Variants in PPP2R5A observed in about 807,000 individuals in gnomAD.
The protein encoded by PPP2R5A is protein phosphatase 2 regulatory subunit B'alpha.
A neutral mutation model predicts 64.2 loss-of-function variants in PPP2R5A; 25 were observed. The ratio of observed to expected loss-of-function variants is 0.39; its 90% CI spans 0.28 to 0.54. The LOEUF is 0.54. Ranked by LOEUF, PPP2R5A falls within the 20% of genes least tolerant of loss-of-function variation. The pLI, the probability that PPP2R5A is intolerant of heterozygous loss-of-function variation, is 0.67. For synonymous variants in PPP2R5A, 198 were observed against 201.2 expected, an observed-to-expected ratio of 0.98 and a Z score of 0.13; for missense variants, 425 against 576.3, an observed-to-expected ratio of 0.74 and a Z score of 2.69.
At chr1:212,318,268 A>G (rs1297921920) in intron 1 of PPP2R5A, among the ~76,000 whole-genome samples, 1 of 151,024 alleles carries the variant, frequency 6.6e-6, no homozygotes, top group Non-Finnish European at 1.5e-5. Flanking sequence ...TTAATTATGT[A>G]TTTAGCAAAG....
intron 8 of PPP2R5A, among the ~76,000 whole-genome samples, chr1:212,354,996 G>A (rs1659954206): frequency 6.6e-6 from 1 of 152,134 alleles, no homozygotes; most frequent in Non-Finnish European, 1.5e-5. Flanking sequence ...AAATGATGAA[G>A]TTGCCTAATG....
intron 7 of PPP2R5A, 57 bp from the exon 8 acceptor site, chr1:212,349,132 T>G: frequency 8.2e-7 from 1 of 1,215,744 alleles, no homozygotes; most frequent in Non-Finnish European, 1.1e-6. Flanking sequence ...AATATAAAAA[T>G]CCTACATTAT....
chr1:212,325,702 A>G (rs960820166), intron 1 of PPP2R5A, among the ~76,000 whole-genome samples: 4 of 152,074 alleles, frequency 2.6e-5, no homozygotes, highest in African/African-American at 7.2e-5. Context: ...AGGGATATAG[A>G]TATCTTTGAA....
At chr1:212,295,313 G>C (rs913996039) in intron 1 of PPP2R5A, among the ~76,000 whole-genome samples, 1 of 152,142 alleles carries the variant, frequency 6.6e-6, no homozygotes, top group Non-Finnish European at 1.5e-5. Context: ...TCTAACTTGG[G>C]CAACTGGATG....
intron 3 of PPP2R5A, among the ~76,000 whole-genome samples, chr1:212,341,839 A>G (rs1659691183): frequency 1.3e-5 from 2 of 152,030 alleles, no homozygotes; most frequent in South Asian, 4.2e-4. Flanking sequence ...TCCAGACTCA[A>G]GCAGTCTTCC....
At chr1:212,321,061 G>A (rs1414941773) in intron 1 of PPP2R5A, among the ~76,000 whole-genome samples, 2 of 95,890 alleles carry the variant, frequency 2.1e-5, no homozygotes, top group Non-Finnish European at 2.2e-5. Context: ...TGGCCGGGCG[G>A]GGGGCTGACC....
intron 1 of PPP2R5A, among the ~76,000 whole-genome samples, chr1:212,312,021 A>G (rs1444212467): frequency 6.6e-6 from 1 of 152,214 alleles, no homozygotes; most frequent in African/African-American, 2.4e-5. Context: ...TTCACTCACC[A>G]CTTACTCATC....
intron 1 of PPP2R5A, among the ~76,000 whole-genome samples, chr1:212,316,353 G>T (rs1045522303): frequency 6.6e-6 from 1 of 152,162 alleles, no homozygotes; most frequent in African/African-American, 2.4e-5. Flanking sequence ...TGTTGATTTG[G>T]AGAAAGTTTG....
At position 212,329,121 on chromosome 1, in the gene PPP2R5A, AT is replaced by A. The variant is rs745646800; in HGVS notation, c.182-9del. On this transcript the variant is annotated splice_polypyrimidine_tract_variant and intron_variant, in intron 1 of 12. Transcript: ENST00000261461. ...GTAGGTTATTTCTAAGTTTTTCTTT[AT>A]TTTTATTTATAGATGCCACTTCAAA... The A allele has an allele frequency of 6.8e-7, 1 of 1,464,668 alleles. No homozygotes were observed. Among genetic ancestry groups the A allele is most frequent in the Non-Finnish European group, 9.1e-7 (1 of 1,103,064 alleles). 90.7% of individuals were successfully genotyped at this position (1,464,668 alleles called of 1,614,324 possible).
chr1:212,292,690 G>C (rs908285717), intron 1 of PPP2R5A, among the ~76,000 whole-genome samples: 1 of 152,096 alleles, frequency 6.6e-6, no homozygotes, highest in African/African-American at 2.4e-5. Context: ...GTCCCAAGTA[G>C]CTAGGACTAC....
intron 1 of PPP2R5A, among the ~76,000 whole-genome samples, chr1:212,296,949 T>C (rs772289639): frequency 3.9e-5 from 6 of 152,218 alleles, no homozygotes; most frequent in Admixed American, 6.5e-5. Context: ...AGTTGGTTGC[T>C]GATTCCTCTA....
chr1:212,296,603 A>C (rs1480904662), intron 1 of PPP2R5A, among the ~76,000 whole-genome samples: 2 of 152,220 alleles, frequency 1.3e-5, no homozygotes, highest in South Asian at 2.1e-4. Context: ...GGAGAGCACA[A>C]AATATGCCGG....
chr1:212,355,364 T>G (rs528970265), intron 8 of PPP2R5A, among the ~76,000 whole-genome samples: 5 of 152,296 alleles, frequency 3.3e-5, no homozygotes, highest in African/African-American at 1.2e-4. Flanking sequence ...CCAACATTAT[T>G]CATCACATTG....
chr1:212,299,837 G>A (rs1571576229), intron 1 of PPP2R5A, among the ~76,000 whole-genome samples: 1 of 149,230 alleles, frequency 6.7e-6, no homozygotes, highest in African/African-American at 2.5e-5. Context: ...TTTTGAGACA[G>A]GGTCTCGCTC....
intron 1 of PPP2R5A, among the ~76,000 whole-genome samples, chr1:212,288,621 T>TA (rs879906150): frequency 2.1e-4 from 32 of 149,606 alleles, no homozygotes; most frequent in Admixed American, 4.0e-4. Context: ...GCAAGTGATT[T>TA]AAAAAAAAAA....
At chr1:212,286,420 C>G (rs1304062540) in intron 1 of PPP2R5A, 129 bp downstream of exon 1, 1 of 1,035,322 alleles carries the variant, frequency 9.7e-7, no homozygotes, top group African/African-American at 1.7e-5. Context: ...AGCCGAGTTC[C>G]CCACAATGCC....
chr1:212,354,742 G>GAGAGAA (rs1659949003), intron 8 of PPP2R5A, among the ~76,000 whole-genome samples: 1 of 151,428 alleles, frequency 6.6e-6, no homozygotes, highest in Non-Finnish European at 1.5e-5. Context: ...GAGAGAGAGA[G>GAGAGAA]AGAGAAATGT....
At chr1:212,327,775 TAG>T (rs1217599987) in intron 1 of PPP2R5A, among the ~76,000 whole-genome samples, 1 of 151,574 alleles carries the variant, frequency 6.6e-6, no homozygotes, top group Non-Finnish European at 1.5e-5. Context: ...GAAAGAGAAG[TAG>T]AGAGAGAGAA....
chr1:212,356,092 CTT>C (rs1354796695), intron 8 of PPP2R5A, among the ~76,000 whole-genome samples: 3 of 151,914 alleles, frequency 2.0e-5, no homozygotes, highest in Non-Finnish European at 2.9e-5. Context: ...AAAATAGTCT[CTT>C]TTGTTTCATT....
Sources: gnomAD v4.1 joint callset for allele counts (sites outside exome capture counted in the v4.1 genomes callset) on GRCh38, gnomAD v4.1.1 for gene constraint, MANE v1.5 for transcripts, NCBI Gene and HGNC (gene_info 2026-07-23, HGNC 2026-07-21) for gene names.